The following SUSD6 variants were observed in gnomAD, a reference collection of about 807,000 sequenced individuals.
The protein encoded by SUSD6 is sushi domain-containing protein 6.
Under a neutral mutation model 28.4 loss-of-function variants are expected in SUSD6, and 16 were observed. That is an observed-to-expected ratio of 0.56 (90% confidence interval 0.38 to 0.86). SUSD6 has a LOEUF of 0.86. Ranked by LOEUF, SUSD6 falls within the 40% of genes least tolerant of loss-of-function variation. The pLI is 0.00. For missense variants in SUSD6, 341 were observed against 384.2 expected, an observed-to-expected ratio of 0.89 and a Z score of 0.94; for synonymous variants, 147 against 159.6, an observed-to-expected ratio of 0.92 and a Z score of 0.59.
At chr14:69,706,251 C>T (rs1886385138) in intron 4 of SUSD6, among the ~76,000 whole-genome samples, 1 of 152,196 alleles carries the variant, frequency 6.6e-6, no homozygotes, top group African/African-American at 2.4e-5. Context: ...TTCTGCATCT[C>T]ATCTAAATGA....
At position 69,711,001 on chromosome 14, in the gene SUSD6, C is replaced by G. The variant is rs747823425; in HGVS notation, c.*22C>G. 4.3e-5 allele frequency: 69 copies of G among 1,613,184 alleles called. No homozygotes were observed. The Admixed American group carries it at 9.3e-4, about 22-fold the overall frequency. ...ATGAGGGCAGCGGCCAGCCTTTCCTCTCTGCGAGGTTCTCTCAGCCCTTCC... is the reference window on the plus strand; with the variant it reads ...ATGAGGGCAGCGGCCAGCCTTTCCTGTCTGCGAGGTTCTCTCAGCCCTTCC... On this transcript the variant is annotated 3_prime_UTR_variant, in exon 6 of 6. Transcript: ENST00000342745.
intron 2 of SUSD6, among the ~76,000 whole-genome samples, chr14:69,699,423 C>T (rs889852080): frequency 1.5e-4 from 23 of 152,060 alleles, no homozygotes; most frequent in African/African-American, 3.6e-4. Context: ...ACGCTGGTCT[C>T]GAACTCCTGA....
chr14:69,616,239 TAG>T lies in SUSD6; in HGVS notation c.-81+4415_-81+4416del, dbSNP rs747585923. Among the ~76,000 whole-genome samples the T allele has an allele frequency of 5.9e-5, 9 of 152,322 alleles. No individual in the cohort carries two copies. The East Asian group carries it at 1.5e-3, about 26-fold the overall frequency. On this transcript the variant is annotated intron_variant, in intron 1 of 5. Transcript: ENST00000342745. ...CAAAACCTCAGAGAAGGGACACAAATAGAGATCTTTCTCAGCCTCCCCTTTCT... is the reference window on the plus strand; with the variant it reads ...CAAAACCTCAGAGAAGGGACACAAATAGATCTTTCTCAGCCTCCCCTTTCT...
At chr14:69,631,577 A>G (rs1885195120) in intron 1 of SUSD6, among the ~76,000 whole-genome samples, 5 of 152,148 alleles carry the variant, frequency 3.3e-5, no homozygotes, top group Admixed American at 3.3e-4. Context: ...AAGATATTAG[A>G]TGTAAAATGC....
At position 69,639,956 on chromosome 14, in the gene SUSD6, G is replaced by GTTTTTTTTTT. The variant is rs11463756; in HGVS notation, c.-80-18543_-80-18534dup. On this transcript the variant is annotated intron_variant, in intron 1 of 5. Transcript: ENST00000342745. ...AGAGTCCCTCTGGGGCACCTACACT[G>GTTTTTTTTTT]TTTTTTTTTTTTTTTTTTTTTTTGC... Among the ~76,000 whole-genome samples, 742 of 81,608 alleles carry GTTTTTTTTTT rather than the reference G, an allele frequency of 9.1e-3. 28 individuals carry two copies. The highest frequency in any genetic ancestry group is 0.039 in the South Asian group (65 of 1,674). The allele number at this position is 81,608 out of a possible 152,430, so 53.5% of individuals were successfully genotyped here. A position where few individuals can be genotyped will look rare whatever the true frequency, so the allele number is the denominator to read the frequency against.
chr14:69,708,922 A>T lies in SUSD6; in HGVS notation c.704A>T (p.Gln235Leu), dbSNP rs1886423012. The part of the protein sequence containing the change: ...SAGGEDEAPG[Q>L]SGLCEAWGSR... ...GGTGGAGAAGATGAGGCCCCAGGCC[A>T]GTCTGGACTATGTGAAGCCTGGGGC... The change falls in exon 5 of 6, where the codon CAG becomes CTG. Residue 235 changes from glutamine (Q) to leucine (L), a missense_variant. By Grantham distance (113) the Gln-to-Leu change is moderately radical. Transcript: ENST00000342745. 1 of 1,614,078 alleles carries T rather than the reference A, an allele frequency of 6.2e-7. No individual in the cohort carries two copies. The highest frequency in any genetic ancestry group is 1.1e-5 in the South Asian group (1 of 91,088).
At chr14:69,695,523 G>A (rs945500429) in intron 2 of SUSD6, among the ~76,000 whole-genome samples, 3 of 152,158 alleles carry the variant, frequency 2.0e-5, no homozygotes, top group Non-Finnish European at 4.4e-5. Flanking sequence ...TTGAAACTGA[G>A]GCCCAGAGTC....
chr14:69,648,272 T>C (rs1489327606), intron 1 of SUSD6, among the ~76,000 whole-genome samples: 4 of 152,192 alleles, frequency 2.6e-5, no homozygotes, highest in African/African-American at 9.7e-5. Context: ...GATAACTACA[T>C]TGAGGTAAAG....
At chr14:69,646,788 G>A (rs1885434118) in intron 1 of SUSD6, among the ~76,000 whole-genome samples, 1 of 139,412 alleles carries the variant, frequency 7.2e-6, no homozygotes, top group African/African-American at 2.7e-5. Flanking sequence ...TGCAAGCTCT[G>A]CTTCCCAGGT....
At chr14:69,618,016 A>C (rs1048727985) in intron 1 of SUSD6, among the ~76,000 whole-genome samples, 1 of 152,182 alleles carries the variant, frequency 6.6e-6, no homozygotes, top group Non-Finnish European at 1.5e-5. Context: ...TGCTGCTTGG[A>C]GTGTCATTTC....
At chr14:69,622,651 T>C (rs983660945) in intron 1 of SUSD6, among the ~76,000 whole-genome samples, 43 of 152,172 alleles carry the variant, frequency 2.8e-4, no homozygotes, top group African/African-American at 1.0e-3. Context: ...TGGAGTGCAG[T>C]GGTGCGATCT....
chr14:69,672,340 T>G (rs955391427), intron 2 of SUSD6, among the ~76,000 whole-genome samples: 2 of 152,184 alleles, frequency 1.3e-5, no homozygotes, highest in Admixed American at 1.3e-4. Flanking sequence ...TAATTGGTCA[T>G]GTCAGACAAG....
At chr14:69,656,124 T>C (rs375394195) in intron 1 of SUSD6, among the ~76,000 whole-genome samples, 224 of 149,642 alleles carry the variant, frequency 1.5e-3, no homozygotes, top group African/African-American at 5.3e-3. Flanking sequence ...CTCTTCCTCT[T>C]CCTCCATTCT....
intron 1 of SUSD6, among the ~76,000 whole-genome samples, chr14:69,639,097 G>A (rs1182913949): frequency 2.0e-5 from 3 of 152,022 alleles, no homozygotes; most frequent in African/African-American, 4.8e-5. Flanking sequence ...AGGCTGAGGC[G>A]GGTGGATCAC....
chr14:69,638,706 C>G (rs1031964959), intron 1 of SUSD6, among the ~76,000 whole-genome samples: 3 of 152,174 alleles, frequency 2.0e-5, no homozygotes, highest in African/African-American at 4.8e-5. Flanking sequence ...GCCAGTGCTG[C>G]TGTTAATGGA....
intron 1 of SUSD6, among the ~76,000 whole-genome samples, chr14:69,626,151 G>T (rs941832869): frequency 6.6e-6 from 1 of 152,136 alleles, no homozygotes; most frequent in Non-Finnish European, 1.5e-5. Context: ...TGCCTAGTAC[G>T]GTTTCCAGAG....
chr14:69,629,600 A>T (rs925814620), intron 1 of SUSD6, among the ~76,000 whole-genome samples: 9 of 152,196 alleles, frequency 5.9e-5, no homozygotes, highest in African/African-American at 2.2e-4. Flanking sequence ...TCTCTTGCAG[A>T]TGCTCCTTTT....
Position 69,676,168 on chromosome 14 carries a change from G to T in SUSD6, c.121+17455G>T, listed in dbSNP as rs144339248. On this transcript the variant is annotated intron_variant, in intron 2 of 5. Transcript: ENST00000342745. The stretch of plus-strand genomic sequence containing the variant: ...GAGAATTAACCCTGATGTCTGTCTA[G>T]GGAGGCTTCCCCAGAAGAGCCAAGA... Among the ~76,000 whole-genome samples the T allele has an allele frequency of 5.6e-4, 85 of 152,210 alleles. 1 individual carries two copies. The South Asian group carries it at 0.01, about 18-fold the overall frequency.
intron 2 of SUSD6, among the ~76,000 whole-genome samples, chr14:69,694,754 C>T (rs1362189813): frequency 2.0e-5 from 3 of 152,138 alleles, no homozygotes; most frequent in African/African-American, 7.2e-5. Flanking sequence ...CTTGTTGGCT[C>T]TGAGGCCTCT....
Sources: gnomAD v4.1 joint callset for allele counts (sites outside exome capture counted in the v4.1 genomes callset) on GRCh38, gnomAD v4.1.1 for gene constraint, MANE v1.5 for transcripts, NCBI Gene and HGNC (gene_info 2026-07-23, HGNC 2026-07-21) for gene names.